Variants in PROSER3 observed in about 807,000 individuals in gnomAD.
PROSER3 encodes proline and serine-rich protein 3.
PROSER3 carries 33 observed loss-of-function variants against 50.2 expected under a neutral mutation model. The observed-to-expected ratio is 0.66, with a 90% CI of 0.50 to 0.88. PROSER3 has a LOEUF of 0.88. PROSER3 is among the 40% of genes least tolerant of loss of function. The pLI, the probability that PROSER3 is intolerant of heterozygous loss-of-function variation, is 0.00. For missense variants in PROSER3, 623 were observed against 612.7 expected (o/e 1.02, Z -0.18); for synonymous variants, 266 against 259.3 (o/e 1.03, Z -0.25).
chr19:35,768,123 C>T (rs756879738), intron 9 of PROSER3, 32 bp from the exon 10 acceptor site: 5 of 1,607,826 alleles, frequency 3.1e-6, no homozygotes, highest in Non-Finnish European at 4.2e-6. Flanking sequence ...GAGGCCGGCC[C>T]CTTGGAGCTC....
At chr19:35,758,628 T>C (rs1172846129) in intron 1 of PROSER3, 2 of 213,862 alleles carry the variant, frequency 9.4e-6, no homozygotes, top group Non-Finnish European at 9.2e-6. Context: ...CAGGAATGTA[T>C]GGGAAATGCT....
At chr19:35,759,312 G>A (rs1568407379) in intron 1 of PROSER3, 62 bp from the exon 2 acceptor site, 6 of 1,337,794 alleles carry the variant, frequency 4.5e-6, no homozygotes, top group Non-Finnish European at 6.3e-6. Flanking sequence ...CTCCTCTAAT[G>A]TCCCCCTCCC....
At chr19:35,768,703 C>G (rs1349879500) in exon 11 of PROSER3, 2 of 811,356 alleles carry the variant, frequency 2.5e-6, no homozygotes, top group Non-Finnish European at 3.5e-6. Context: ...CTGCCCTGCC[C>G]CCCACCCCTT....
chr19:35,767,945 TCGC>T, exon 9 of PROSER3: 1 of 1,610,954 alleles, frequency 6.2e-7, no homozygotes, highest in Non-Finnish European at 8.5e-7. Flanking sequence ...AGTCAAGGCC[TCGC>T]CGCCAGCCTT....
At chr19:35,759,715 G>A (rs966965285) in intron 2 of PROSER3, 74 bp from the exon 3 acceptor site, 3 of 1,367,776 alleles carry the variant, frequency 2.2e-6, no homozygotes, top group Admixed American at 2.1e-5. Context: ...GACTTTGTGT[G>A]TGTCCTGGTT....
At chr19:35,767,874 C>T in exon 9 of PROSER3, 2 of 1,613,340 alleles carry the variant, frequency 1.2e-6, no homozygotes, top group Non-Finnish European at 1.7e-6. Flanking sequence ...GAAGCCACTC[C>T]TTCCCCTGGA....
intron 8 of PROSER3, chr19:35,767,591 C>A: frequency 1.7e-6 from 1 of 602,420 alleles, no homozygotes; most frequent in Non-Finnish European, 2.9e-6. Flanking sequence ...GGCTGCCGAG[C>A]AAGTCCCTGC....
chr19:35,761,020 C>T (rs1261639983), intron 3 of PROSER3, among the ~76,000 whole-genome samples: 1 of 152,228 alleles, frequency 6.6e-6, no homozygotes, highest in Non-Finnish European at 1.5e-5. Context: ...TGTGGCAACC[C>T]GTAGTTGAGG....
At chr19:35,762,561 AAAGAG>A in intron 5 of PROSER3, 16 of 490,192 alleles carry the variant, frequency 3.3e-5, no homozygotes, top group Middle Eastern at 5.4e-4. Context: ...AAAAAAAAAA[AAAGAG>A]AGAGAGAGAG....
rs563444468 is a variant in PROSER3 at position 35,766,172 on chromosome 19, G to C, written c.770-596G>C. On this transcript the variant is annotated intron_variant, in intron 7 of 10. Coordinates refer to ENST00000396908, the Ensembl canonical transcript of PROSER3. ...GAGCAGGGTGAGGGCTGTAGCGGGT[G>C]GGGGAGTGGGTAGATTCTGGGGAAT... Among the ~76,000 whole-genome samples, 5 of 152,112 alleles carry C rather than the reference G, an allele frequency of 3.3e-5. No homozygotes were observed. The East Asian group carries it at 9.6e-4, about 29-fold the overall frequency.
rs1426845216 is a variant in PROSER3, at chr19:35,765,178, T to C, written c.769+2T>C. On this transcript the variant is annotated splice_donor_variant, in intron 7 of 10. Transcript: ENST00000396908. LOFTEE classifies it high-confidence loss of function. ...AGGGCCTTGGCCCCAGGGCACCCGG[T>C]AAGGGCTGAGAGGCAAAGACTGAGG... The C allele has an allele frequency of 2.5e-6, 4 of 1,612,774 alleles. No individual in the cohort carries two copies. Among genetic ancestry groups the C allele is most frequent in the Non-Finnish European group, 3.4e-6 (4 of 1,179,804 alleles).
At position 35,759,358 on chromosome 19, in the gene PROSER3, C is replaced by T. The variant is rs107878; in HGVS notation, c.12-16C>T. ...GCGAAACCACGTGCTGCCTGAACCCCACTTTCCTCTTGCAGCCTGCCAGTT... is the reference window on the plus strand; with the variant it reads ...GCGAAACCACGTGCTGCCTGAACCCTACTTTCCTCTTGCAGCCTGCCAGTT... On this transcript the variant is annotated splice_polypyrimidine_tract_variant and intron_variant, in intron 1 of 10. Transcript: ENST00000396908. 251,587 of 1,610,156 alleles carry T rather than the reference C, an allele frequency of 0.16. 21,609 individuals are homozygous for T. Among genetic ancestry groups the T allele is most frequent in the East Asian group, 0.3 (13,308 of 44,766 alleles).
Position 35,768,081 on chromosome 19 carries a change from T to A in PROSER3, c.1219+16T>A, listed in dbSNP as rs1971230288. The stretch of plus-strand genomic sequence containing the variant: ...GCTGCAGAAGGTGATGCCCGCGCCC[T>A]CCTGGATGTTGGAGGCAGGCCAGCC... On this transcript the variant is annotated intron_variant, in intron 9 of 10. Transcript: ENST00000396908. 1.3e-6 allele frequency: 2 copies of A among 1,587,270 alleles called. No homozygotes were observed. Among genetic ancestry groups the A allele is most frequent in the Non-Finnish European group, 1.7e-6 (2 of 1,166,558 alleles).
At chr19:35,763,290 C>T (rs1252312754) in intron 5 of PROSER3, among the ~76,000 whole-genome samples, 1 of 151,868 alleles carries the variant, frequency 6.6e-6, no homozygotes, top group African/African-American at 2.4e-5. Context: ...CAACCTCCGC[C>T]TCTCGGGGTC....
At chr19:35,767,590 G>A in intron 8 of PROSER3, 1 of 600,458 alleles carries the variant, frequency 1.7e-6, no homozygotes. Context: ...AGGCTGCCGA[G>A]CAAGTCCCTG....
exon 9 of PROSER3, chr19:35,767,984 G>GCCCCGC: frequency 6.2e-7 from 1 of 1,602,836 alleles, no homozygotes; most frequent in Non-Finnish European, 8.5e-7. Context: ...GGAGGCCCTG[G>GCCCCGC]CCCCGCCCCC....
intron 7 of PROSER3, among the ~76,000 whole-genome samples, chr19:35,766,139 T>C (rs1971133930): frequency 6.6e-6 from 1 of 151,492 alleles, no homozygotes; most frequent in Non-Finnish European, 1.5e-5. Flanking sequence ...GTTGGGTGAG[T>C]GGGGCTGGAG....
At chr19:35,768,014 C>G in exon 9 of PROSER3, 2 of 1,584,944 alleles carry the variant, frequency 1.3e-6, no homozygotes, top group South Asian at 2.3e-5. Flanking sequence ...TGACCACGCC[C>G]CCTCGGAGGC....
intron 8 of PROSER3, chr19:35,767,674 C>A: frequency 8.3e-7 from 1 of 1,206,762 alleles, no homozygotes; most frequent in East Asian, 2.6e-5. Context: ...TGTTCCCTGA[C>A]AGCCTGGAGG....
Sources: allele counts gnomAD v4.1 joint callset (sites outside exome capture counted in the v4.1 genomes callset), GRCh38; gene constraint gnomAD v4.1.1; transcripts MANE v1.5; gene names NCBI Gene and HGNC (gene_info 2026-07-23, HGNC 2026-07-21).